The following FAM117B variants were observed in gnomAD, a reference collection of about 807,000 sequenced individuals.
FAM117B encodes family with sequence similarity 117 member B, also known as protein FAM117B.
Under a neutral mutation model 52.8 loss-of-function variants are expected in FAM117B, and 22 were observed. The observed-to-expected ratio is 0.42, with a 90% CI of 0.30 to 0.59. The LOEUF (loss-of-function observed/expected upper bound fraction) is 0.59. Among genes scored for constraint, FAM117B ranks in the 20% least tolerant of loss-of-function variants. The pLI, the probability that FAM117B is intolerant of heterozygous loss-of-function variation, is 0.22. For synonymous variants in FAM117B, 309 were observed against 324.1 expected (o/e 0.95, Z 0.50); for missense variants, 678 against 802.6 (o/e 0.84, Z 1.88).
chr2:202,640,491 A>G (rs766239294), intron 1 of FAM117B, among the ~76,000 whole-genome samples: 91 of 151,456 alleles, frequency 6.0e-4, no homozygotes, highest in Admixed American at 4.4e-3. Context: ...GAAGCAAGAT[A>G]ACCAGAACTT....
chr2:202,728,339 T>C (rs991839464), intron 4 of FAM117B, among the ~76,000 whole-genome samples: 2 of 152,198 alleles, frequency 1.3e-5, no homozygotes, highest in Non-Finnish European at 2.9e-5. Context: ...ATATTTGATA[T>C]TTTAATTAAA....
chr2:202,685,428 G>A (rs1030564152), intron 1 of FAM117B, among the ~76,000 whole-genome samples: 3 of 152,092 alleles, frequency 2.0e-5, no homozygotes, highest in Non-Finnish European at 4.4e-5. Context: ...ATATAAGCCT[G>A]CAGTTAACAT....
chr2:202,661,728 C>T (rs1447115103), intron 1 of FAM117B, among the ~76,000 whole-genome samples: 1 of 152,078 alleles, frequency 6.6e-6, no homozygotes, highest in East Asian at 1.9e-4. Context: ...CCAGCCTGGC[C>T]AACATGGCAA....
chr2:202,739,235 G>C (rs558680517), intron 4 of FAM117B, among the ~76,000 whole-genome samples: 65 of 152,166 alleles, frequency 4.3e-4, no homozygotes, highest in African/African-American at 1.5e-3. Flanking sequence ...TGTTTTCTTT[G>C]TCCCTAACTT....
chr2:202,708,886 G>A (rs928757014), intron 2 of FAM117B, among the ~76,000 whole-genome samples: 13 of 152,114 alleles, frequency 8.5e-5, no homozygotes, highest in Admixed American at 7.9e-4. Flanking sequence ...GATTATTGGT[G>A]TGAGCCACTA....
intron 1 of FAM117B, among the ~76,000 whole-genome samples, chr2:202,667,708 C>T (rs946313078): frequency 4.0e-5 from 6 of 151,714 alleles, no homozygotes; most frequent in Non-Finnish European, 5.9e-5. Context: ...ACTAGATAAC[C>T]TAAGTTAAAT....
chr2:202,732,691 C>A (rs4675288), intron 4 of FAM117B, among the ~76,000 whole-genome samples: 1 of 151,774 alleles, frequency 6.6e-6, no homozygotes, highest in Non-Finnish European at 1.5e-5. Context: ...CATGGCGGCA[C>A]GTGCCTGTAG....
chr2:202,644,073 T>TTTTTTTTTTTTC (rs1689820715), intron 1 of FAM117B, among the ~76,000 whole-genome samples: 2 of 145,758 alleles, frequency 1.4e-5, no homozygotes, highest in Non-Finnish European at 3.0e-5. Context: ...TGTTTTTTTT[T>TTTTTTTTTTTTC]TTTTTTTTTT....
chr2:202,656,736 A>C (rs549777892), intron 1 of FAM117B, among the ~76,000 whole-genome samples: 1 of 152,178 alleles, frequency 6.6e-6, no homozygotes, highest in Non-Finnish European at 1.5e-5. Context: ...CAGGTCTTAC[A>C]TATCTTTGCT....
chr2:202,726,150 A>T, intron 3 of FAM117B, 100 bp from the exon 4 acceptor site: 1 of 723,270 alleles, frequency 1.4e-6, no homozygotes, highest in Non-Finnish European at 2.4e-6. Context: ...AATTCAAAGG[A>T]CTTATTAAGG....
At chr2:202,747,685 A>C (rs1025038329) in intron 4 of FAM117B, among the ~76,000 whole-genome samples, 2 of 152,128 alleles carry the variant, frequency 1.3e-5, no homozygotes, top group African/African-American at 4.8e-5. Context: ...AGAAATAAAG[A>C]AAGCAATTCA....
chr2:202,635,576 C>T lies in FAM117B; in HGVS notation c.389C>T (p.Ala130Val). ...GGCACCAGCCCCACGCGCAGCGCCG[C>T]GCCTGGAGCTCGCGGGAGCCCCCCA... ...TRGTSPTRSA[A>V]PGARGSPPRP... The change falls in exon 1 of 8, where the codon GCG becomes GTG. Residue 130 changes from alanine (A) to valine (V), a missense_variant. Ala to Val is a moderately conservative substitution (Grantham distance 64, BLOSUM62 0). Transcript: ENST00000392238. The T allele has an allele frequency of 8.1e-7, 1 of 1,240,132 alleles. No individual in the cohort carries two copies. Among genetic ancestry groups the T allele is most frequent in the Non-Finnish European group, 1.0e-6 (1 of 996,698 alleles). 76.8% of individuals were successfully genotyped at this position (1,240,132 alleles called of 1,614,324 possible).
intron 2 of FAM117B, among the ~76,000 whole-genome samples, chr2:202,719,907 T>C (rs1488687921): frequency 6.6e-6 from 1 of 152,136 alleles, no homozygotes; most frequent in Middle Eastern, 3.2e-3. Context: ...GTTTATATAT[T>C]CCTTTATGAT....
rs1211409931 is a variant in FAM117B, at chr2:202,755,568, G to A, written c.991G>A (p.Val331Ile). The change falls in exon 5 of 8, where the codon GTA (valine) becomes ATA (isoleucine). Residue 331 changes from valine to isoleucine, a missense_variant. Transcript: ENST00000392238. Reference sequence around the variant, plus strand: ...TGTTCCAAAGAGTGCACTTATTCCTGTAATTCCCATCACCAAATCAACAGG... The same window carrying A: ...TGTTCCAAAGAGTGCACTTATTCCTATAATTCCCATCACCAAATCAACAGG... ...APVPKSALIP[V>I]IPITKSTGSR... 6.2e-7 allele frequency: 1 copy of A among 1,614,098 alleles called. No individual in the cohort carries two copies. Among genetic ancestry groups the A allele is most frequent in the East Asian group, 2.2e-5 (1 of 44,868 alleles).
At chr2:202,704,830 A>C (rs1421757870) in intron 2 of FAM117B, among the ~76,000 whole-genome samples, 1 of 151,614 alleles carries the variant, frequency 6.6e-6, no homozygotes, top group East Asian at 2.0e-4. Flanking sequence ...CGAACACCTG[A>C]CCTCAGGTAA....
intron 1 of FAM117B, among the ~76,000 whole-genome samples, chr2:202,643,382 C>A (rs925128630): frequency 2.6e-5 from 4 of 151,976 alleles, no homozygotes; most frequent in African/African-American, 9.7e-5. Context: ...ACATTTTTTT[C>A]TCTGAGGAGG....
At chr2:202,698,640 C>T (rs762582443) in intron 2 of FAM117B, among the ~76,000 whole-genome samples, 1 of 152,112 alleles carries the variant, frequency 6.6e-6, no homozygotes, top group African/African-American at 2.4e-5. Flanking sequence ...TCAGGCCAGT[C>T]TCAAACTCCT....
chr2:202,706,206 G>A (rs559555237), intron 2 of FAM117B, among the ~76,000 whole-genome samples: 1 of 151,914 alleles, frequency 6.6e-6, no homozygotes, highest in African/African-American at 2.4e-5. Context: ...CTGTTTCTTT[G>A]GTTTGGTTTC....
intron 1 of FAM117B, among the ~76,000 whole-genome samples, chr2:202,650,820 ATCT>A: frequency 6.6e-6 from 1 of 152,056 alleles, no homozygotes; most frequent in Non-Finnish European, 1.5e-5. Context: ...CTCTTCCAAG[ATCT>A]TCTCCTGCCT....
Sources: gnomAD v4.1 joint callset for allele counts (sites outside exome capture counted in the v4.1 genomes callset) on GRCh38, gnomAD v4.1.1 for gene constraint, MANE v1.5 for transcripts, NCBI Gene and HGNC (gene_info 2026-07-23, HGNC 2026-07-21) for gene names.